Variants in ADGRB3 observed in about 807,000 individuals in gnomAD.
ADGRB3 encodes adhesion G protein-coupled receptor B3, also known as brain-specific angiogenesis inhibitor 3.
ADGRB3 carries 37 observed loss-of-function variants against 193.4 expected under a neutral mutation model. The ratio of observed to expected loss-of-function variants is 0.19; its 90% CI spans 0.15 to 0.25. ADGRB3 has a LOEUF of 0.25. Among genes scored for constraint, ADGRB3 ranks in the 10% least tolerant of loss-of-function variants. ADGRB3 has a pLI of 1.00. For missense variants in ADGRB3, 1,637 were observed against 1,852.9 expected (o/e 0.88, Z 2.14); for synonymous variants, 690 against 644.2 (o/e 1.07, Z -1.08).
At chr6:69,249,979 A>T (rs926500399) in intron 20 of ADGRB3, among the ~76,000 whole-genome samples, 1 of 152,196 alleles carries the variant, frequency 6.6e-6, no homozygotes, top group Non-Finnish European at 1.5e-5. Flanking sequence ...AAAGATTAAG[A>T]CTTCAATTGT....
chr6:69,018,728 T>C (rs983563986), intron 13 of ADGRB3, among the ~76,000 whole-genome samples: 1 of 152,014 alleles, frequency 6.6e-6, no homozygotes, highest in Non-Finnish European at 1.5e-5. Flanking sequence ...TGATTGCTTG[T>C]AGGCCTATTT....
intron 3 of ADGRB3, among the ~76,000 whole-genome samples, chr6:68,903,945 CTGAG>C (rs1766466872): frequency 1.4e-5 from 2 of 140,580 alleles, no homozygotes; most frequent in Admixed American, 1.5e-4. Context: ...CTGCAGTAAA[CTGAG>C]TGTGCCATTA....
chr6:69,084,625 G>A (rs1165214272), intron 17 of ADGRB3, among the ~76,000 whole-genome samples: 1 of 151,930 alleles, frequency 6.6e-6, no homozygotes, highest in African/African-American at 2.4e-5. Flanking sequence ...AGGAGATAGG[G>A]GCTTTCAGTT....
At position 69,366,310 on chromosome 6, in the gene ADGRB3, T is replaced by G. The variant is rs1457915985; in HGVS notation, c.4239+4798T>G. ...TCAGGTATCATTTCTGCAGCTATTTTTAGTGGATTTGCTACCAGAACTTTC... is the reference window on the plus strand; with the variant it reads ...TCAGGTATCATTTCTGCAGCTATTTGTAGTGGATTTGCTACCAGAACTTTC... On this transcript the variant is annotated intron_variant, in intron 29 of 31. Coordinates refer to ENST00000370598, the MANE Select transcript of ADGRB3 (RefSeq NM_001704.3). 2.6e-5 allele frequency among the ~76,000 whole-genome samples: 4 copies of G among 152,114 alleles called. No individual in the cohort carries two copies. The South Asian group carries it at 8.3e-4, about 32-fold the overall frequency.
At chr6:68,819,691 C>T (rs1767711729) in intron 3 of ADGRB3, among the ~76,000 whole-genome samples, 1 of 151,986 alleles carries the variant, frequency 6.6e-6, no homozygotes, top group South Asian at 2.1e-4. Flanking sequence ...TTCTTTTATT[C>T]TCACCCTGTT....
chr6:68,890,463 G>A (rs1208598716), intron 3 of ADGRB3, among the ~76,000 whole-genome samples: 2 of 152,192 alleles, frequency 1.3e-5, no homozygotes, highest in Non-Finnish European at 2.9e-5. Context: ...TTAGAAAGAT[G>A]TTACACTTAT....
chr6:68,693,661 C>T (rs985927146), intron 3 of ADGRB3, among the ~76,000 whole-genome samples: 12 of 152,008 alleles, frequency 7.9e-5, no homozygotes, highest in African/African-American at 2.9e-4. Flanking sequence ...GTAATTCCAA[C>T]TCTGGGTTTT....
chr6:68,787,248 G>A (rs922116259), intron 3 of ADGRB3, among the ~76,000 whole-genome samples: 1 of 152,146 alleles, frequency 6.6e-6, no homozygotes, highest in Non-Finnish European at 1.5e-5. Flanking sequence ...CAAAGGGAAT[G>A]CTTCCAGTTT....
At position 69,063,983 on chromosome 6, in the gene ADGRB3, G is replaced by A. The variant is rs150547384; in HGVS notation, c.2436+947G>A. Among the ~76,000 whole-genome samples, 32 of 148,342 alleles carry A rather than the reference G, an allele frequency of 2.2e-4. No homozygotes were observed. In the East Asian group the frequency reaches 5.1e-3, roughly 24 times the overall value. On this transcript the variant is annotated intron_variant, in intron 16 of 31. Coordinates refer to ENST00000370598, the MANE Select transcript of ADGRB3 (RefSeq NM_001704.3). ...TATGAAGTTGACCTTTCTTTACATT[G>A]AAAAAAAAATAAAGGAAAAAGTGAT...
chr6:68,739,856 C>T (rs1765943088), intron 3 of ADGRB3, among the ~76,000 whole-genome samples: 1 of 152,064 alleles, frequency 6.6e-6, no homozygotes, highest in Admixed American at 6.6e-5. Context: ...CATTTAGTTT[C>T]ATTATCTCAC....
At chr6:69,015,793 T>A (rs1442092198) in intron 12 of ADGRB3, among the ~76,000 whole-genome samples, 2 of 151,770 alleles carry the variant, frequency 1.3e-5, no homozygotes, top group African/African-American at 4.8e-5. Context: ...TTATGAAGGA[T>A]AAAACTATGT....
At chr6:69,099,214 G>T (rs1366458656) in intron 17 of ADGRB3, among the ~76,000 whole-genome samples, 1 of 152,178 alleles carries the variant, frequency 6.6e-6, no homozygotes, top group Non-Finnish European at 1.5e-5. Flanking sequence ...CCACAGCAAA[G>T]AATTATCTAG....
chr6:68,828,468 TATA>T (rs1767890815), intron 3 of ADGRB3, among the ~76,000 whole-genome samples: 1 of 152,178 alleles, frequency 6.6e-6, no homozygotes, highest in African/African-American at 2.4e-5. Flanking sequence ...CTCAAATATT[TATA>T]ATATTTACTC....
intron 20 of ADGRB3, among the ~76,000 whole-genome samples, chr6:69,268,523 G>T (rs1561971867): frequency 6.6e-6 from 1 of 152,108 alleles, no homozygotes; most frequent in African/African-American, 2.4e-5. Context: ...GCAGCCAGAG[G>T]GATGATTTGC....
intron 3 of ADGRB3, among the ~76,000 whole-genome samples, chr6:68,902,910 A>G (rs1766437549): frequency 6.6e-6 from 1 of 152,122 alleles, no homozygotes; most frequent in Admixed American, 6.6e-5. Context: ...ATTTCATTGC[A>G]ACTTCTCTGG....
chr6:69,346,900 C>G (rs1769102214), intron 26 of ADGRB3, among the ~76,000 whole-genome samples: 1 of 152,194 alleles, frequency 6.6e-6, no homozygotes, highest in African/African-American at 2.4e-5. Flanking sequence ...TATAAAGACA[C>G]ATGTACACCT....
intron 3 of ADGRB3, among the ~76,000 whole-genome samples, chr6:68,905,230 C>T (rs1277468044): frequency 3.0e-4 from 46 of 152,062 alleles, no homozygotes; most frequent in Non-Finnish European, 1.0e-4. Context: ...GAGTTCTATT[C>T]CTAAAGAACA....
chr6:69,015,068 T>A (rs1244868698), intron 12 of ADGRB3, among the ~76,000 whole-genome samples: 4 of 151,978 alleles, frequency 2.6e-5, no homozygotes, highest in Admixed American at 6.6e-5. Flanking sequence ...TCTACCAATT[T>A]GAGTTACATA....
chr6:69,028,749 T>C (rs1770516957), intron 13 of ADGRB3, among the ~76,000 whole-genome samples: 1 of 152,210 alleles, frequency 6.6e-6, no homozygotes. Flanking sequence ...AAACTTTCTA[T>C]ATTATCACAT....
Sources: allele counts gnomAD v4.1 joint callset (sites outside exome capture counted in the v4.1 genomes callset), GRCh38; gene constraint gnomAD v4.1.1; transcripts MANE v1.5; gene names NCBI Gene and HGNC (gene_info 2026-07-23, HGNC 2026-07-21).